Variants in ZC3H12B observed in about 807,000 individuals in gnomAD.
ZC3H12B encodes zinc finger CCCH-type containing 12B.
ZC3H12B carries 7 observed loss-of-function variants against 43.9 expected under a neutral mutation model. The observed-to-expected ratio is 0.16, with a 90% CI of 0.09 to 0.30. The LOEUF (loss-of-function observed/expected upper bound fraction) is 0.30, where lower values mean the gene tolerates loss of function less well. Among genes scored for constraint, ZC3H12B ranks in the 10% least tolerant of loss-of-function variants. ZC3H12B has a pLI of 1.00. For synonymous variants in ZC3H12B, 222 were observed against 241.7 expected (o/e 0.92, Z 0.76); for missense variants, 475 against 670.2 (o/e 0.71, Z 3.22).
the ZC3H12B span, among the ~76,000 whole-genome samples, chrX:65,110,342 TAA>T: frequency 5.4e-5 from 6 of 110,639 alleles, no homozygotes; most frequent in East Asian, 1.7e-3. Flanking sequence ...CTTTTGGTGT[TAA>T]GTCTAAAAAT....
At chrX:65,203,648 G>A in the ZC3H12B span, among the ~76,000 whole-genome samples, 9 of 109,588 alleles carry the variant, frequency 8.2e-5, no homozygotes, top group Admixed American at 8.9e-4. Context: ...CTCCTCTCAA[G>A]CAGAAGGAAG....
the ZC3H12B span, among the ~76,000 whole-genome samples, chrX:65,054,540 T>C: frequency 8.9e-6 from 1 of 111,882 alleles, no homozygotes; most frequent in South Asian, 3.7e-4. Flanking sequence ...AGCTTTGTTC[T>C]TTTGGCTTAG....
chrX:65,300,564 C>A, the ZC3H12B span, among the ~76,000 whole-genome samples: 2 of 111,548 alleles, frequency 1.8e-5, no homozygotes, highest in East Asian at 2.8e-4. Flanking sequence ...ACCTGGTGGT[C>A]TTTCTCTACC....
At chrX:65,179,406 T>TAAA in the ZC3H12B span, among the ~76,000 whole-genome samples, 4 of 100,375 alleles carry the variant, frequency 4.0e-5, no homozygotes, top group African/African-American at 1.4e-4. Flanking sequence ...TAAAGTTATT[T>TAAA]AAAAAAAAAA....
chrX:65,192,075 G>A, the ZC3H12B span, among the ~76,000 whole-genome samples: 1 of 110,258 alleles, frequency 9.1e-6, no homozygotes, highest in African/African-American at 3.3e-5. Context: ...AGTCATTGAG[G>A]AGCAGGTTGT....
At chrX:65,216,386 G>C in the ZC3H12B span, among the ~76,000 whole-genome samples, 1 of 111,209 alleles carries the variant, frequency 9.0e-6, no homozygotes, top group Non-Finnish European at 1.9e-5. Flanking sequence ...GCTCAACACT[G>C]GGCAGAACTT....
the ZC3H12B span, among the ~76,000 whole-genome samples, chrX:65,326,232 T>A: frequency 5.4e-5 from 6 of 111,819 alleles, no homozygotes. Context: ...AGAGACAACC[T>A]ACTCATATGG....
the ZC3H12B span, among the ~76,000 whole-genome samples, chrX:65,150,323 C>T: frequency 9.0e-6 from 1 of 111,168 alleles, no homozygotes; most frequent in Non-Finnish European, 1.9e-5. Context: ...GAACCCACTC[C>T]TTCTGGACCT....
chrX:65,332,080 T>A, the ZC3H12B span, among the ~76,000 whole-genome samples: 1 of 110,838 alleles, frequency 9.0e-6, no homozygotes, highest in Non-Finnish European at 1.9e-5. Flanking sequence ...GCCCAGTAGG[T>A]CTCAGCCTTA....
At chrX:65,132,116 A>T in the ZC3H12B span, among the ~76,000 whole-genome samples, 3 of 111,084 alleles carry the variant, frequency 2.7e-5, no homozygotes, top group Non-Finnish European at 3.8e-5. Flanking sequence ...GTAGGGGAAT[A>T]GTGAAAAAAG....
chrX:65,096,345 G>A, the ZC3H12B span, among the ~76,000 whole-genome samples: 14 of 111,060 alleles, frequency 1.3e-4, no homozygotes, highest in East Asian at 4.0e-3. Context: ...AAACCTGCAC[G>A]TCCTGCACAT....
the ZC3H12B span, among the ~76,000 whole-genome samples, chrX:65,035,471 C>T: frequency 1.2e-4 from 14 of 112,145 alleles, no homozygotes; most frequent in Non-Finnish European, 7.5e-5. Flanking sequence ...TCCAGGAATG[C>T]GGGGTGGGTG....
chrX:65,094,228 G>T, the ZC3H12B span, among the ~76,000 whole-genome samples: 1 of 106,875 alleles, frequency 9.4e-6, no homozygotes, highest in Middle Eastern at 4.9e-3. Flanking sequence ...TGCTTCCTGT[G>T]CGGCCTGTGG....
chrX:65,168,316 C>T, the ZC3H12B span, among the ~76,000 whole-genome samples: 150 of 111,544 alleles, frequency 1.3e-3, 1 homozygote, highest in African/African-American at 4.4e-3. Context: ...ATCTTTGGTT[C>T]GGTTTATATG....
the ZC3H12B span, among the ~76,000 whole-genome samples, chrX:65,125,686 T>G: frequency 2.7e-5 from 3 of 111,178 alleles, no homozygotes; most frequent in East Asian, 8.5e-4. Context: ...AATTAGAATT[T>G]TTCTGTTGGA....
At chrX:65,117,115 G>C in the ZC3H12B span, among the ~76,000 whole-genome samples, 4 of 112,006 alleles carry the variant, frequency 3.6e-5, no homozygotes, top group African/African-American at 9.7e-5. Context: ...TCTAGTTCTA[G>C]ATCCTTGAGG....
chrX:65,261,931 C>T, the ZC3H12B span, among the ~76,000 whole-genome samples: 10 of 110,544 alleles, frequency 9.0e-5, no homozygotes, highest in Non-Finnish European at 1.3e-4. Flanking sequence ...TCTTAGGTTT[C>T]ACTCCCTAAA....
chrX:65,109,526 CTTCA>C, the ZC3H12B span, among the ~76,000 whole-genome samples: 2 of 111,900 alleles, frequency 1.8e-5, no homozygotes, highest in Non-Finnish European at 3.8e-5. Context: ...TGTATCAGTA[CTTCA>C]TTCATTTTAA....
chrX:65,372,943 A>T (rs1346285350), intron 2 of ZC3H12B, among the ~76,000 whole-genome samples: 1 of 112,572 alleles, frequency 8.9e-6, no homozygotes, highest in Non-Finnish European at 1.9e-5. Flanking sequence ...TACAGTAAGA[A>T]TTCAGAGAAG....
Sources: allele counts gnomAD v4.1 joint callset (sites outside exome capture counted in the v4.1 genomes callset), GRCh38; gene constraint gnomAD v4.1.1; transcripts MANE v1.5; gene names NCBI Gene and HGNC (gene_info 2026-07-23, HGNC 2026-07-21).